Variants in TMEM108 observed in about 807,000 individuals in gnomAD.
TMEM108 encodes cancer/testis antigen 124.
In TMEM108, 12 loss-of-function variants were observed where a neutral mutation model predicts 35.1. The observed-to-expected ratio is 0.34, with a 90% CI of 0.22 to 0.55. The LOEUF is 0.55. TMEM108 is among the 20% of genes least tolerant of loss of function. The probability of loss-of-function intolerance (pLI) is 0.89; values close to 1 mark genes in which losing one functional copy is unlikely to be tolerated. For missense variants in TMEM108, 680 were observed against 753.3 expected, an observed-to-expected ratio of 0.90 and a Z score of 1.14; for synonymous variants, 287 against 308.6, an observed-to-expected ratio of 0.93 and a Z score of 0.73.
At chr3:133,373,867 G>C (rs1254294639) in intron 3 of TMEM108, among the ~76,000 whole-genome samples, 1 of 152,196 alleles carries the variant, frequency 6.6e-6, no homozygotes, top group African/African-American at 2.4e-5. Flanking sequence ...AAATCTTAGG[G>C]TTGACCAGGC....
chr3:133,232,238 A>G (rs567997582), intron 3 of TMEM108, among the ~76,000 whole-genome samples: 12 of 152,240 alleles, frequency 7.9e-5, no homozygotes, highest in African/African-American at 2.6e-4. Context: ...ATGGAGGTGG[A>G]TCTCTCATTA....
At chr3:133,353,744 A>G (rs1248560904) in intron 3 of TMEM108, among the ~76,000 whole-genome samples, 1 of 152,218 alleles carries the variant, frequency 6.6e-6, no homozygotes, top group Admixed American at 6.5e-5. Context: ...TTACACACAT[A>G]GAGGTGGTTT....
chr3:133,238,766 A>C (rs748661998), intron 3 of TMEM108, among the ~76,000 whole-genome samples: 3 of 152,298 alleles, frequency 2.0e-5, no homozygotes, highest in Non-Finnish European at 4.4e-5. Flanking sequence ...TTGAGGAAGG[A>C]AAGTTGATAT....
At chr3:133,109,937 A>G (rs1944205402) in intron 2 of TMEM108, among the ~76,000 whole-genome samples, 1 of 152,184 alleles carries the variant, frequency 6.6e-6, no homozygotes, top group African/African-American at 2.4e-5. Context: ...TGTGATTTGT[A>G]GCTATGACAG....
intron 2 of TMEM108, among the ~76,000 whole-genome samples, chr3:133,226,441 C>T (rs1416407043): frequency 6.6e-6 from 1 of 152,052 alleles, no homozygotes; most frequent in Non-Finnish European, 1.5e-5. Flanking sequence ...TTTTTCAGGG[C>T]CTGCTATCTG....
intron 4 of TMEM108, among the ~76,000 whole-genome samples, chr3:133,382,211 T>A (rs1171989751): frequency 6.6e-6 from 1 of 152,166 alleles, no homozygotes; most frequent in African/African-American, 2.4e-5. Context: ...CCCACCCTCA[T>A]ATCCCCGCTC....
chr3:133,201,648 G>A (rs1006333767), intron 2 of TMEM108, among the ~76,000 whole-genome samples: 2 of 152,172 alleles, frequency 1.3e-5, no homozygotes, highest in Admixed American at 1.3e-4. Context: ...TTTTATGCCT[G>A]TGTAGTATTC....
At chr3:133,045,308 TTTTACAGTTGAGGA>T (rs1943322602) in intron 1 of TMEM108, among the ~76,000 whole-genome samples, 1 of 152,132 alleles carries the variant, frequency 6.6e-6, no homozygotes, top group South Asian at 2.1e-4. Flanking sequence ...AGGAACAGTA[TTTTACAGTTGAGGA>T]AACTGAGACT....
At chr3:133,364,683 G>T (rs1250449993) in intron 3 of TMEM108, among the ~76,000 whole-genome samples, 1 of 152,178 alleles carries the variant, frequency 6.6e-6, no homozygotes, top group Non-Finnish European at 1.5e-5. Context: ...TTGGATGAAA[G>T]GAATACTGTG....
chr3:133,146,139 C>T (rs971981081), intron 2 of TMEM108, among the ~76,000 whole-genome samples: 1 of 152,146 alleles, frequency 6.6e-6, no homozygotes, highest in Admixed American at 6.5e-5. Flanking sequence ...AGATACATTC[C>T]ATCAATACCT....
At chr3:133,150,213 T>G (rs1944778239) in intron 2 of TMEM108, among the ~76,000 whole-genome samples, 1 of 152,182 alleles carries the variant, frequency 6.6e-6, no homozygotes, top group Non-Finnish European at 1.5e-5. Context: ...TCATTATGGT[T>G]TTGATTTGCA....
At chr3:133,305,749 C>G (rs572764151) in intron 3 of TMEM108, among the ~76,000 whole-genome samples, 1 of 152,120 alleles carries the variant, frequency 6.6e-6, no homozygotes, top group South Asian at 2.1e-4. Flanking sequence ...AACACCAATA[C>G]TTGTATTGTC....
chr3:133,393,812 G>A (rs181743894), intron 5 of TMEM108, among the ~76,000 whole-genome samples: 5 of 152,262 alleles, frequency 3.3e-5, no homozygotes, highest in Admixed American at 1.3e-4. Context: ...ACTCGTGAAC[G>A]CACTATAGAA....
At chr3:133,279,995 T>C (rs1182701721) in intron 3 of TMEM108, among the ~76,000 whole-genome samples, 1 of 151,888 alleles carries the variant, frequency 6.6e-6, no homozygotes, top group African/African-American at 2.4e-5. Flanking sequence ...TTATATTAAA[T>C]TTTGAGATGT....
At chr3:133,333,286 A>T (rs1485034520) in intron 3 of TMEM108, among the ~76,000 whole-genome samples, 1 of 152,074 alleles carries the variant, frequency 6.6e-6, no homozygotes, top group Non-Finnish European at 1.5e-5. Flanking sequence ...TACTCTCCAA[A>T]ATAAACTCTC....
intron 3 of TMEM108, among the ~76,000 whole-genome samples, chr3:133,347,049 G>A (rs146752704): frequency 2.6e-5 from 4 of 152,054 alleles, no homozygotes; most frequent in Admixed American, 2.0e-4. Context: ...AACCTTTATC[G>A]TAAGTCTTGA....
rs537713073 is a variant in TMEM108, at chr3:133,165,773, C to T, written c.-46-63493C>T. The stretch of plus-strand genomic sequence containing the variant: ...AGGTTGGCTAAACATACATGTTGAA[C>T]AGGTTACAGAGGGGGCTATGAATAT... On this transcript the variant is annotated intron_variant, in intron 2 of 5. Transcript: ENST00000321871. Among the ~76,000 whole-genome samples the T allele has an allele frequency of 3.9e-5, 6 of 152,298 alleles. No individual in the cohort carries two copies. In the South Asian group the frequency reaches 1.2e-3, roughly 32 times the overall value.
At chr3:133,189,358 AAT>A (rs1945466965) in intron 2 of TMEM108, among the ~76,000 whole-genome samples, 1 of 152,188 alleles carries the variant, frequency 6.6e-6, no homozygotes, top group African/African-American at 2.4e-5. Flanking sequence ...ACCCTCTTTA[AAT>A]CATCGTATTT....
chr3:133,068,035 G>A (rs903110384), intron 2 of TMEM108, among the ~76,000 whole-genome samples: 1 of 151,654 alleles, frequency 6.6e-6, no homozygotes, highest in Non-Finnish European at 1.5e-5. Context: ...CTTTTATCAG[G>A]AGCTCATTTT....
Sources: gnomAD v4.1 joint callset for allele counts (sites outside exome capture counted in the v4.1 genomes callset) on GRCh38, gnomAD v4.1.1 for gene constraint, MANE v1.5 for transcripts, NCBI Gene and HGNC (gene_info 2026-07-23, HGNC 2026-07-21) for gene names.